The following DNAJC6 variants were observed in gnomAD, a reference collection of about 807,000 sequenced individuals.
DNAJC6 encodes DnaJ heat shock protein family (Hsp40) member C6, also known as auxilin.
Under a neutral mutation model 110.0 loss-of-function variants are expected in DNAJC6, and 34 were observed. The observed-to-expected ratio is 0.31, with a 90% confidence interval of 0.24 to 0.41. The LOEUF is 0.41. Ranked by LOEUF, DNAJC6 falls within the 10% of genes least tolerant of loss-of-function variation. DNAJC6 has a pLI of 1.00. For synonymous variants in DNAJC6, 406 were observed against 437.2 expected (o/e 0.93, Z 0.89); for missense variants, 1,031 against 1,207.8 (o/e 0.85, Z 2.17).
chr1:65,338,530 T>C (rs1645359165), intron 1 of DNAJC6, among the ~76,000 whole-genome samples: 1 of 152,178 alleles, frequency 6.6e-6, no homozygotes, highest in Non-Finnish European at 1.5e-5. Context: ...TGCTTTAAAA[T>C]TTATGTTTGT....
At position 65,387,189 on chromosome 1, in the gene DNAJC6, T is replaced by G. The variant is rs536951447; in HGVS notation, c.1113+260T>G. Among the ~76,000 whole-genome samples, 23 of 152,334 alleles carry G rather than the reference T, an allele frequency of 1.5e-4. 1 individual carries two copies. In the South Asian group the frequency reaches 4.6e-3, roughly 30 times the overall value. ...CCCTGGAACTCTTAGCAAACCATAC[T>G]CTTTAGAAGCCTGTGCTTTTCTTAT... On this transcript the variant is annotated intron_variant, in intron 8 of 18. Transcript: ENST00000371069.
intron 11 of DNAJC6, among the ~76,000 whole-genome samples, chr1:65,389,847 C>G (rs547188795): frequency 1.3e-5 from 2 of 152,192 alleles, no homozygotes; most frequent in African/African-American, 4.8e-5. Flanking sequence ...CCTATCTCAA[C>G]AAAAAATTTT....
upstream of DNAJC6, among the ~76,000 whole-genome samples, chr1:65,307,333 A>G (rs1268894672): frequency 6.6e-6 from 1 of 152,046 alleles, no homozygotes; most frequent in Admixed American, 6.6e-5. Flanking sequence ...TATATTAAGT[A>G]TAAAGATAAA....
At chr1:65,289,885 C>G (rs1404611458) in intron 1 of DNAJC6, among the ~76,000 whole-genome samples, 1 of 151,424 alleles carries the variant, frequency 6.6e-6, no homozygotes, top group Non-Finnish European at 1.5e-5. Context: ...TCTGGGCTCA[C>G]TCTAACCTCC....
intron 4 of DNAJC6, among the ~76,000 whole-genome samples, chr1:65,370,464 G>T (rs181190369): frequency 5.9e-5 from 9 of 152,308 alleles, no homozygotes; most frequent in Non-Finnish European, 1.2e-4. Flanking sequence ...AAGGTTTATA[G>T]CTGTGCCCCA....
chr1:65,384,176 T>G lies in DNAJC6; in HGVS notation c.667-17T>G, dbSNP rs941197486. ...TTTGATCATGTTCATAATGATTTTA[T>G]GCATTTTCTTTGACAGGATGGACGG... On this transcript the variant is annotated splice_polypyrimidine_tract_variant and intron_variant, in intron 5 of 18. Coordinates refer to ENST00000371069, the MANE Select transcript of DNAJC6 (RefSeq NM_001256864.2). The G allele has an allele frequency of 1.4e-6, 2 of 1,462,958 alleles. No homozygotes were observed. The highest frequency in any genetic ancestry group is 2.7e-5 in the East Asian group (1 of 37,640). The allele number at this position is 1,462,958 out of a possible 1,614,324, so 90.6% of individuals were successfully genotyped here. A position where few individuals can be genotyped will look rare whatever the true frequency, so the allele number is the denominator to read the frequency against.
At chr1:65,364,614 G>GTTTTTTTTTGTTTTTTTT in intron 1 of DNAJC6, 21 bp from the exon 2 acceptor site, 1 of 1,424,456 alleles carries the variant, frequency 7.0e-7, no homozygotes, top group East Asian at 2.5e-5. Context: ...TTGTTTGTTT[G>GTTTTTTTTTGTTTTTTTT]TTTTTTTTTT....
chr1:65,399,174 GT>G (rs1646007454), intron 14 of DNAJC6, among the ~76,000 whole-genome samples: 1 of 152,090 alleles, frequency 6.6e-6, no homozygotes, highest in African/African-American at 2.4e-5. Flanking sequence ...AAACTCTTGG[GT>G]TTTTTTGGCA....
intron 1 of DNAJC6, among the ~76,000 whole-genome samples, chr1:65,357,922 TAATCCCAGC>T (rs1390975663): frequency 6.6e-6 from 1 of 152,228 alleles, no homozygotes; most frequent in Non-Finnish European, 1.5e-5. Flanking sequence ...CTCATGCCTG[TAATCCCAGC>T]ACATTGGGAG....
chr1:65,288,098 T>C (rs1178574243), intron 1 of DNAJC6, among the ~76,000 whole-genome samples: 3 of 152,090 alleles, frequency 2.0e-5, no homozygotes, highest in Non-Finnish European at 4.4e-5. Flanking sequence ...TAGTCTTCTG[T>C]TGGGGTTGGG....
At position 65,392,925 on chromosome 1, in the gene DNAJC6, T is replaced by A. The variant is rs370722667; in HGVS notation, c.1903+60T>A. ...TTTGAATTCTAACCTTTGGGCCAAA[T>A]AGGTGGAATTGAACTTTCCTAATAA... On this transcript the variant is annotated intron_variant, in intron 12 of 18. Coordinates refer to ENST00000371069, the MANE Select transcript of DNAJC6 (RefSeq NM_001256864.2). The A allele has an allele frequency of 1.0e-5, 14 of 1,399,744 alleles. No individual in the cohort carries two copies. The African/African-American group carries it at 1.9e-4, about 19-fold the overall frequency. The allele number at this position is 1,399,744 out of a possible 1,614,324, so 86.7% of individuals were successfully genotyped here.
intron 7 of DNAJC6, 70 bp downstream of exon 7, chr1:65,385,976 A>G: frequency 7.2e-7 from 1 of 1,380,452 alleles, no homozygotes. Flanking sequence ...GAATGAGTTG[A>G]ATCATATTCT....
In DNAJC6 at chr1:65,368,717, CTCT is replaced by C. The variant is rs1281835843; in HGVS notation, c.543+2539_543+2541del. ...CTCCTCTTCCTCCTCCTTCTTCTTC[CTCT>C]TCTTCTTCTTCTTCTTCCCCCTCCC... On this transcript the variant is annotated intron_variant, in intron 4 of 18. Coordinates refer to ENST00000371069, the MANE Select transcript of DNAJC6 (RefSeq NM_001256864.2). 8.4e-4 allele frequency among the ~76,000 whole-genome samples: 24 copies of C among 28,658 alleles called. 1 individual carries two copies. The highest frequency in any genetic ancestry group is 6.2e-3 in the Admixed American group (18 of 2,926). The allele number at this position is 28,658 out of a possible 152,430, so 18.8% of individuals were successfully genotyped here. A position where few individuals can be genotyped will look rare whatever the true frequency, so the allele number is the denominator to read the frequency against.
intron 1 of DNAJC6, among the ~76,000 whole-genome samples, chr1:65,360,279 T>C (rs1286288059): frequency 1.3e-5 from 2 of 152,214 alleles, no homozygotes; most frequent in Non-Finnish European, 2.9e-5. Context: ...GTTCAACGTA[T>C]AATTTGAATA....
At chr1:65,401,927 A>G (rs774982415) in intron 15 of DNAJC6, 47 bp downstream of exon 15, 4 of 1,606,388 alleles carry the variant, frequency 2.5e-6, no homozygotes, top group East Asian at 2.2e-5. Context: ...ATTTATAGCT[A>G]TAAAGCCTCA....
chr1:65,307,014 C>CTATATA (rs1330055090), upstream of DNAJC6, among the ~76,000 whole-genome samples: 27 of 75,942 alleles, frequency 3.6e-4, no homozygotes, highest in African/African-American at 1.0e-3. Flanking sequence ...CTCTCTCTCT[C>CTATATA]TCTCTATATA....
intron 4 of DNAJC6, among the ~76,000 whole-genome samples, chr1:65,368,721 T>TCTTCTTCTTCTTCTTCTC: frequency 1.8e-5 from 2 of 110,474 alleles, no homozygotes; most frequent in East Asian, 2.9e-4. Context: ...TTCTTCCTCT[T>TCTTCTTCTTCTTCTTCTC]CTTCTTCTTC....
At chr1:65,375,147 A>G (rs2101579812) in intron 4 of DNAJC6, among the ~76,000 whole-genome samples, 1 of 151,994 alleles carries the variant, frequency 6.6e-6, no homozygotes, top group South Asian at 2.1e-4. Context: ...TATTTTTGGT[A>G]GAGACGGGGT....
intron 12 of DNAJC6, among the ~76,000 whole-genome samples, chr1:65,393,179 G>T (rs1645945771): frequency 1.3e-5 from 2 of 152,012 alleles, no homozygotes; most frequent in South Asian, 4.2e-4. Context: ...AATTATTATT[G>T]ATAAAAATAG....
Sources: gnomAD v4.1 joint callset for allele counts (sites outside exome capture counted in the v4.1 genomes callset) on GRCh38, gnomAD v4.1.1 for gene constraint, MANE v1.5 for transcripts, NCBI Gene and HGNC (gene_info 2026-07-23, HGNC 2026-07-21) for gene names.